Variants in NHSL2 observed in about 807,000 individuals in gnomAD.
NHSL2 encodes NHS-like protein 2.
In NHSL2, 27 loss-of-function variants were observed where a neutral mutation model predicts 53.4. The observed-to-expected ratio is 0.51, with a 90% CI of 0.37 to 0.70. The LOEUF is 0.70. Ranked by LOEUF, NHSL2 falls within the 30% of genes least tolerant of loss-of-function variation. The pLI is 0.00. For missense variants in NHSL2, 892 were observed against 980.1 expected, an observed-to-expected ratio of 0.91 and a Z score of 1.20; for synonymous variants, 408 against 404.1, an observed-to-expected ratio of 1.01 and a Z score of -0.12.
intron 1 of NHSL2, among the ~76,000 whole-genome samples, chrX:72,050,720 C>T (rs1320120654): frequency 9.1e-6 from 1 of 110,193 alleles, no homozygotes; most frequent in Non-Finnish European, 1.9e-5. Flanking sequence ...ATAGCGAAAC[C>T]CTGTCTCTAC....
In NHSL2 at chrX:72,033,343, C is replaced by T. The variant is rs761311800; in HGVS notation, c.281-98736C>T. ...CTGGGGCTACAGGCGCACGCCACCA[C>T]GCCCAGCTAATTTTTGTATTTTTAG... On this transcript the variant is annotated intron_variant, in intron 1 of 7. Transcript: ENST00000633930. Among the ~76,000 whole-genome samples the T allele has an allele frequency of 1.2e-4, 13 of 110,928 alleles. No individual in the cohort carries two copies. In the East Asian group the frequency reaches 3.1e-3, roughly 27 times the overall value.
chrX:72,006,075 C>T (rs2042093283), intron 1 of NHSL2, among the ~76,000 whole-genome samples: 1 of 111,958 alleles, frequency 8.9e-6, no homozygotes, highest in South Asian at 3.7e-4. Context: ...GGTATCTCTT[C>T]TCTGCCTCCT....
chrX:72,132,740 G>T (rs2042318830), intron 2 of NHSL2, among the ~76,000 whole-genome samples: 1 of 111,391 alleles, frequency 9.0e-6, no homozygotes, highest in Non-Finnish European at 1.9e-5. Flanking sequence ...CACCTATTTT[G>T]TCCCCCCTAA....
intron 1 of NHSL2, among the ~76,000 whole-genome samples, chrX:72,052,269 C>T (rs2042344838): frequency 8.9e-6 from 1 of 112,301 alleles, no homozygotes. Context: ...TTGCCCTCCT[C>T]AGTCCTCCGA....
intron 1 of NHSL2, among the ~76,000 whole-genome samples, chrX:71,943,621 A>G (rs1170449647): frequency 8.9e-6 from 1 of 112,179 alleles, no homozygotes; most frequent in African/African-American, 3.2e-5. Flanking sequence ...TATTTTCCGT[A>G]TATTGCTTTT....
intron 1 of NHSL2, chrX:72,079,789 A>C (rs1252369491): frequency 8.9e-6 from 1 of 112,906 alleles, no homozygotes; most frequent in East Asian, 2.8e-4. Flanking sequence ...CCCTCACTGC[A>C]GGACAGCCGC....
intron 1 of NHSL2, among the ~76,000 whole-genome samples, chrX:72,005,702 A>T (rs2042091426): frequency 9.0e-6 from 1 of 111,553 alleles, no homozygotes; most frequent in African/African-American, 3.3e-5. Context: ...CTGGGGAATC[A>T]CGTTTGCTTT....
rs751937663 is a variant in NHSL2 at position 72,110,617 on chromosome X, G to A, written c.281-21462G>A. Among the ~76,000 whole-genome samples, 11 of 107,834 alleles carry A rather than the reference G, an allele frequency of 1.0e-4. No individual in the cohort carries two copies. In the South Asian group the frequency reaches 3.7e-3, roughly 37 times the overall value. The allele number at this position is 107,834 out of a possible 115,157, so 93.6% of individuals were successfully genotyped here. A position where few individuals can be genotyped will look rare whatever the true frequency, so the allele number is the denominator to read the frequency against. On this transcript the variant is annotated intron_variant, in intron 1 of 7. Coordinates refer to ENST00000633930, the MANE Select transcript of NHSL2 (RefSeq NM_001013627.3). ...CCCGGGACACTCCTTCTAGCCTGTG[G>A]TCTCAAGAGGGAGGCCCAGCAACAG...
intron 1 of NHSL2, among the ~76,000 whole-genome samples, chrX:72,098,259 A>C (rs2041958640): frequency 8.9e-6 from 1 of 112,002 alleles, no homozygotes; most frequent in African/African-American, 3.2e-5. Flanking sequence ...AAGGTTTGGA[A>C]AGAATAGGAC....
intron 1 of NHSL2, among the ~76,000 whole-genome samples, chrX:72,043,617 T>C (rs950628587): frequency 6.3e-5 from 7 of 111,675 alleles, no homozygotes; most frequent in Non-Finnish European, 1.3e-4. Flanking sequence ...AGAAACAGCT[T>C]CTTTAGTACA....
At chrX:71,951,575 G>T in intron 1 of NHSL2, among the ~76,000 whole-genome samples, 1 of 112,101 alleles carries the variant, frequency 8.9e-6, no homozygotes, top group Non-Finnish European at 1.9e-5. Context: ...GTGCAAGGTG[G>T]TATCTTGTGG....
chrX:72,073,942 G>C (rs1260902250), intron 1 of NHSL2, among the ~76,000 whole-genome samples: 2 of 112,604 alleles, frequency 1.8e-5, no homozygotes, highest in African/African-American at 6.5e-5. Context: ...CATATCGTTT[G>C]ATGGCATATT....
At chrX:72,134,444 C>G (rs1233821563) in intron 3 of NHSL2, 65 bp from the exon 4 acceptor site, 1 of 986,061 alleles carries the variant, frequency 1.0e-6, no homozygotes, top group Non-Finnish European at 1.4e-6. Flanking sequence ...TAAACAGCCA[C>G]CCTATGGGCA....
chrX:72,118,231 A>G (rs1019702365), intron 1 of NHSL2, among the ~76,000 whole-genome samples: 2 of 111,853 alleles, frequency 1.8e-5, no homozygotes, highest in African/African-American at 6.5e-5. Flanking sequence ...AATGATGTCG[A>G]GCATCTTTTC....
chrX:72,140,865 A>G (rs574738785), intron 6 of NHSL2, 94 bp downstream of exon 6: 1 of 750,637 alleles, frequency 1.3e-6, no homozygotes, highest in Middle Eastern at 3.4e-4. Context: ...CCCCAGAATA[A>G]TTATCCTGAT....
At chrX:72,001,616 A>G (rs1241365547) in intron 1 of NHSL2, among the ~76,000 whole-genome samples, 1 of 111,382 alleles carries the variant, frequency 9.0e-6, no homozygotes, top group Non-Finnish European at 1.9e-5. Context: ...ACTGAGACCA[A>G]CCGAATGGCC....
chrX:72,050,097 A>AGG (rs2042331178), intron 1 of NHSL2, among the ~76,000 whole-genome samples: 1 of 109,193 alleles, frequency 9.2e-6, no homozygotes, highest in African/African-American at 3.3e-5. Flanking sequence ...CGTGGTACTT[A>AGG]GACACCCTGC....
intron 1 of NHSL2, among the ~76,000 whole-genome samples, chrX:72,084,319 G>A (rs1265949354): frequency 8.9e-6 from 1 of 112,472 alleles, no homozygotes; most frequent in South Asian, 3.6e-4. Flanking sequence ...CCAAGCCAGA[G>A]CCTGCACAGG....
At chrX:72,014,767 G>A (rs2042128929) in intron 1 of NHSL2, among the ~76,000 whole-genome samples, 1 of 110,182 alleles carries the variant, frequency 9.1e-6, no homozygotes, top group Admixed American at 9.9e-5. Context: ...TGTTGGATGA[G>A]ATGTTCTATA....
Sources: allele counts gnomAD v4.1 joint callset (sites outside exome capture counted in the v4.1 genomes callset), GRCh38; gene constraint gnomAD v4.1.1; transcripts MANE v1.5; gene names NCBI Gene and HGNC (gene_info 2026-07-23, HGNC 2026-07-21).